ARHGEF12: variants seen among roughly 807,000 people sequenced by gnomAD.
ARHGEF12 encodes the protein Rho guanine nucleotide exchange factor 12.
A neutral mutation model predicts 211.2 loss-of-function variants in ARHGEF12; 66 were observed. That is an observed-to-expected ratio of 0.31 (90% CI 0.26 to 0.38). The LOEUF (loss-of-function observed/expected upper bound fraction) is 0.38, where lower values mean the gene tolerates loss of function less well. ARHGEF12 is among the 10% of genes least tolerant of loss of function. The pLI, the probability that ARHGEF12 is intolerant of heterozygous loss-of-function variation, is 1.00. For synonymous variants in ARHGEF12, 592 were observed against 638.4 expected (o/e 0.93, Z 1.09); for missense variants, 1,429 against 1,869.5 (o/e 0.76, Z 4.34).
chr11:120,347,822 G>A (rs190956462), intron 1 of ARHGEF12, among the ~76,000 whole-genome samples: 1 of 152,194 alleles, frequency 6.6e-6, no homozygotes, highest in East Asian at 1.9e-4. Context: ...TGGGGGGATT[G>A]TTAGGTAATA....
chr11:120,417,346 A>G (rs1488675276), intron 4 of ARHGEF12, among the ~76,000 whole-genome samples: 4 of 152,132 alleles, frequency 2.6e-5, no homozygotes, highest in Non-Finnish European at 4.4e-5. Flanking sequence ...TATAGTATGA[A>G]AAAACGTATT....
chr11:120,337,396 T>A, intron 1 of ARHGEF12, 121 bp downstream of exon 1: 1 of 1,554,556 alleles, frequency 6.4e-7, no homozygotes, highest in Non-Finnish European at 8.7e-7. Context: ...GAGGGTTGTT[T>A]CGGAGCTGTG....
chr11:120,479,659 T>G (rs1331469903), intron 37 of ARHGEF12, among the ~76,000 whole-genome samples: 3 of 152,172 alleles, frequency 2.0e-5, no homozygotes, highest in African/African-American at 7.2e-5. Context: ...AGGCATGATA[T>G]TGGTTATTGA....
intron 1 of ARHGEF12, among the ~76,000 whole-genome samples, chr11:120,375,469 A>T (rs1943699152): frequency 6.6e-6 from 1 of 151,652 alleles, no homozygotes; most frequent in Non-Finnish European, 1.5e-5. Context: ...TAAAAAAAGC[A>T]CCCGTACAAT....
intron 11 of ARHGEF12, among the ~76,000 whole-genome samples, chr11:120,432,597 C>T (rs533526916): frequency 7.2e-5 from 11 of 152,130 alleles, no homozygotes; most frequent in South Asian, 6.2e-4. Flanking sequence ...GAAGTCTGAA[C>T]GAATGTTTTG....
chr11:120,453,018 CA>C lies in ARHGEF12; in HGVS notation c.2056+1303del, dbSNP rs370822027. ...CCATCTCAAAAAACAAAAACAAAAA[CA>C]AAAAAAAACGACAAGATAATGGTCC... On this transcript the variant is annotated intron_variant, in intron 22 of 40. Transcript: ENST00000397843. 1.5e-3 allele frequency among the ~76,000 whole-genome samples: 221 copies of C among 147,048 alleles called. 4 individuals carry two copies. The highest frequency in any genetic ancestry group is 5.4e-3 in the African/African-American group (211 of 38,848).
intron 4 of ARHGEF12, among the ~76,000 whole-genome samples, chr11:120,413,318 CT>C (rs1431210172): frequency 6.6e-6 from 1 of 152,160 alleles, no homozygotes; most frequent in Non-Finnish European, 1.5e-5. Flanking sequence ...TGCCCAGCTA[CT>C]TTTGTTGTTT....
At chr11:120,474,908 T>C (rs543092905) in intron 32 of ARHGEF12, among the ~76,000 whole-genome samples, 1 of 152,342 alleles carries the variant, frequency 6.6e-6, no homozygotes, top group African/African-American at 2.4e-5. Flanking sequence ...GTAAGCTTTC[T>C]TTAGACCAGT....
intron 4 of ARHGEF12, chr11:120,410,406 A>G (rs766838030): frequency 5.3e-5 from 8 of 151,446 alleles, no homozygotes; most frequent in Non-Finnish European, 7.4e-5. Flanking sequence ...TTCTTTTTTT[A>G]GGAAGATTCC....
chr11:120,462,176 C>T (rs1946555078), intron 27 of ARHGEF12, among the ~76,000 whole-genome samples: 1 of 152,132 alleles, frequency 6.6e-6, no homozygotes, highest in Non-Finnish European at 1.5e-5. Context: ...TATGTGACTC[C>T]TCACTTGAAC....
At chr11:120,471,357 A>G (rs1322582579) in intron 30 of ARHGEF12, among the ~76,000 whole-genome samples, 1 of 152,242 alleles carries the variant, frequency 6.6e-6, no homozygotes, top group African/African-American at 2.4e-5. Flanking sequence ...CAGATGCAAA[A>G]GAGTACATAC....
chr11:120,472,319 C>G (rs1946892652), intron 30 of ARHGEF12, among the ~76,000 whole-genome samples: 2 of 151,854 alleles, frequency 1.3e-5, no homozygotes. Context: ...AAATACATAT[C>G]TGTTTGCATA....
intron 4 of ARHGEF12, among the ~76,000 whole-genome samples, chr11:120,415,857 T>A (rs1233222666): frequency 6.6e-6 from 1 of 152,230 alleles, no homozygotes; most frequent in Non-Finnish European, 1.5e-5. Context: ...ATTGGTCTAC[T>A]GATTTAAAGT....
chr11:120,467,276 C>T lies in ARHGEF12; in HGVS notation c.2822C>T (p.Pro941Leu). 6.2e-7 allele frequency: 1 copy of T among 1,612,866 alleles called. No individual in the cohort carries two copies. Among genetic ancestry groups the T allele is most frequent in the Non-Finnish European group, 8.5e-7 (1 of 1,179,214 alleles). The change falls in exon 29 of 41, where the codon CCA becomes CTA. Residue 941 changes from proline (P) to leucine (L), a missense_variant. This residue lies in a region of ARHGEF12 where 223 missense variants were observed against 444.6 expected (regional missense o/e 0.50). Coordinates refer to ENST00000397843, the MANE Select transcript of ARHGEF12 (RefSeq NM_015313.3). The stretch of plus-strand genomic sequence containing the variant: ...CAAATGCAAAGGCTTACTAAGTACC[C>T]ACTTCTGTTGGATAATATTGCCAAA... ...PTQMQRLTKY[P>L]LLLDNIAKYT...
intron 1 of ARHGEF12, among the ~76,000 whole-genome samples, chr11:120,372,336 A>G (rs1565435499): frequency 6.6e-6 from 1 of 152,080 alleles, no homozygotes; most frequent in South Asian, 2.1e-4. Flanking sequence ...TAATTCAGGA[A>G]CCAAAATATT....
chr11:120,345,701 C>CAAAAAAAAA (rs34619240), intron 1 of ARHGEF12, among the ~76,000 whole-genome samples: 1 of 78,374 alleles, frequency 1.3e-5, no homozygotes, highest in Non-Finnish European at 2.2e-5. Context: ...GACTCCGTCT[C>CAAAAAAAAA]AAAAAAAAAA....
intron 1 of ARHGEF12, among the ~76,000 whole-genome samples, chr11:120,356,485 C>T (rs1943133827): frequency 6.6e-6 from 1 of 152,170 alleles, no homozygotes; most frequent in Non-Finnish European, 1.5e-5. Flanking sequence ...CCCAAAAGAG[C>T]TAGGATTACA....
At chr11:120,463,143 C>T (rs1485670362) in intron 27 of ARHGEF12, 1 of 152,200 alleles carries the variant, frequency 6.6e-6, no homozygotes, top group Non-Finnish European at 1.5e-5. Flanking sequence ...AATGCTTTCT[C>T]AACTTAAGAT....
intron 1 of ARHGEF12, among the ~76,000 whole-genome samples, chr11:120,365,218 CTT>C (rs1943391479): frequency 6.6e-6 from 1 of 152,082 alleles, no homozygotes; most frequent in Admixed American, 6.6e-5. Flanking sequence ...ATGAGAGACA[CTT>C]TTGTTTTTAA....
Sources: gnomAD v4.1 joint callset for allele counts (sites outside exome capture counted in the v4.1 genomes callset) on GRCh38, gnomAD v4.1.1 for gene constraint, gnomAD v4.1.1 regional missense constraint, MANE v1.5 for transcripts, NCBI Gene and HGNC (gene_info 2026-07-23, HGNC 2026-07-21) for gene names.